NELL2: variants seen among roughly 807,000 people sequenced by gnomAD.
NELL2 encodes the protein protein kinase C-binding protein NELL2.
In NELL2, 41 loss-of-function variants were observed where a neutral mutation model predicts 109.6. That is an observed-to-expected ratio of 0.37 (90% confidence interval 0.29 to 0.49). The LOEUF (loss-of-function observed/expected upper bound fraction) is 0.49, where lower values mean the gene tolerates loss of function less well. NELL2 is among the 20% of genes least tolerant of loss of function. The pLI is 0.98. For synonymous variants in NELL2, 355 were observed against 344.7 expected, an observed-to-expected ratio of 1.03 and a Z score of -0.33; for missense variants, 900 against 1,008.3, an observed-to-expected ratio of 0.89 and a Z score of 1.45.
chr12:44,672,698 G>T (rs1354140885), intron 12 of NELL2, among the ~76,000 whole-genome samples: 3 of 152,186 alleles, frequency 2.0e-5, no homozygotes, highest in Non-Finnish European at 4.4e-5. Context: ...CAGTGAATTA[G>T]AATTATTTCT....
rs191408442 is a variant in NELL2 at position 44,662,648 on chromosome 12, G to A, written c.1444+2836C>T. ...TTTGACCAACTTGCATATGTAATTT[G>A]TATGCCAGAGTTACTAGGTTAAACA... On this transcript the variant is annotated intron_variant, in intron 13 of 19. Coordinates refer to ENST00000429094, the MANE Select transcript of NELL2 (RefSeq NM_001145108.2). Among the ~76,000 whole-genome samples, 15 of 152,280 alleles carry A rather than the reference G, an allele frequency of 9.9e-5. No individual in the cohort carries two copies. In the East Asian group the frequency reaches 2.9e-3, roughly 29 times the overall value.
At chr12:44,830,224 T>G (rs1285915134) in intron 2 of NELL2, among the ~76,000 whole-genome samples, 1 of 152,178 alleles carries the variant, frequency 6.6e-6, no homozygotes, top group Non-Finnish European at 1.5e-5. Flanking sequence ...ACAAGCAGAT[T>G]CTAACAGAAT....
intron 2 of NELL2, among the ~76,000 whole-genome samples, chr12:44,847,222 G>C (rs1244528744): frequency 6.6e-6 from 1 of 152,192 alleles, no homozygotes; most frequent in Non-Finnish European, 1.5e-5. Flanking sequence ...AAGTAAGGAA[G>C]CAAACAGGAT....
intron 2 of NELL2, among the ~76,000 whole-genome samples, chr12:44,842,225 A>G (rs956788715): frequency 6.6e-6 from 1 of 152,138 alleles, no homozygotes; most frequent in Admixed American, 6.5e-5. Flanking sequence ...AAGATTTATT[A>G]TAAGTTCATA....
chr12:44,591,132 C>T (rs1223898054), intron 15 of NELL2, among the ~76,000 whole-genome samples: 4 of 152,040 alleles, frequency 2.6e-5, no homozygotes, highest in Non-Finnish European at 4.4e-5. Context: ...ATAACAAATG[C>T]TGGCAAGGAT....
intron 15 of NELL2, among the ~76,000 whole-genome samples, chr12:44,605,273 T>G (rs563901724): frequency 1.6e-4 from 25 of 152,272 alleles, no homozygotes; most frequent in Admixed American, 4.6e-4. Flanking sequence ...TATTTCTGTA[T>G]GCAAATACAG....
At chr12:44,669,579 C>T (rs537620741) in intron 12 of NELL2, among the ~76,000 whole-genome samples, 2 of 152,020 alleles carry the variant, frequency 1.3e-5, no homozygotes, top group East Asian at 3.9e-4. Flanking sequence ...TCCTAAAAGG[C>T]AATGACTGAA....
chr12:44,712,881 C>T (rs1219371311), intron 10 of NELL2, among the ~76,000 whole-genome samples: 1 of 151,646 alleles, frequency 6.6e-6, no homozygotes, highest in Admixed American at 6.6e-5. Flanking sequence ...CAGAAAAAAA[C>T]TAGTCCAATA....
chr12:44,514,133 G>A (rs970843188), intron 19 of NELL2, among the ~76,000 whole-genome samples: 1 of 151,874 alleles, frequency 6.6e-6, no homozygotes, highest in Non-Finnish European at 1.5e-5. Flanking sequence ...CACCTTTAAA[G>A]TTCTGGAAAC....
At chr12:44,812,765 A>G (rs1273488410) in intron 3 of NELL2, among the ~76,000 whole-genome samples, 1 of 152,150 alleles carries the variant, frequency 6.6e-6, no homozygotes, top group African/African-American at 2.4e-5. Context: ...ACTCAATAAT[A>G]AAAAGTGGGT....
chr12:44,780,037 GC>G lies in NELL2; in HGVS notation c.336-16del, dbSNP rs1254310120. Reference sequence around the variant, plus strand: ...GTTCCAGGTACCTGCAGAGAGAAGAGCCACATGGGACACATTAAAAATAAAG... The same window carrying G: ...GTTCCAGGTACCTGCAGAGAGAAGAGCACATGGGACACATTAAAAATAAAG... On this transcript the variant is annotated splice_polypyrimidine_tract_variant and intron_variant, in intron 3 of 19. Transcript: ENST00000429094. 4.3e-6 allele frequency: 7 copies of G among 1,612,368 alleles called. No homozygotes were observed. Among genetic ancestry groups the G allele is most frequent in the Admixed American group, 1.7e-5 (1 of 59,794 alleles).
chr12:44,743,647 A>G (rs1414157709), intron 9 of NELL2, among the ~76,000 whole-genome samples: 1 of 152,220 alleles, frequency 6.6e-6, no homozygotes, highest in East Asian at 1.9e-4. Flanking sequence ...AGAGGTTGCA[A>G]TCCTAGTCTC....
chr12:44,606,636 G>A lies in NELL2; in HGVS notation c.1663+533C>T, dbSNP rs145900444. On this transcript the variant is annotated intron_variant, in intron 15 of 19. Transcript: ENST00000429094. The stretch of plus-strand genomic sequence containing the variant: ...AATTTTTAAAGTTTTTAATATTCAC[G>A]TCCATCAGAAAGAGTAAGTTCAGAA... Among the ~76,000 whole-genome samples, 179 of 151,950 alleles carry A rather than the reference G, an allele frequency of 1.2e-3. 1 individual carries two copies. Among genetic ancestry groups the A allele is most frequent in the African/African-American group, 3.9e-3 (161 of 41,422 alleles).
intron 10 of NELL2, among the ~76,000 whole-genome samples, chr12:44,713,635 C>T (rs543407557): frequency 3.6e-4 from 55 of 151,992 alleles, no homozygotes; most frequent in African/African-American, 1.3e-3. Context: ...TTATAATGGG[C>T]ATGAAGAAAT....
intron 2 of NELL2, among the ~76,000 whole-genome samples, chr12:44,816,790 G>A (rs1021588347): frequency 6.6e-6 from 1 of 152,126 alleles, no homozygotes; most frequent in Non-Finnish European, 1.5e-5. Flanking sequence ...CCTAGCCAAG[G>A]GAAGTTTACT....
At chr12:44,644,629 T>A (rs867248904) in intron 13 of NELL2, among the ~76,000 whole-genome samples, 1 of 92,442 alleles carries the variant, frequency 1.1e-5, no homozygotes, top group Non-Finnish European at 2.1e-5. Flanking sequence ...TATATATACA[T>A]ACATATATAT....
chr12:44,700,472 C>T (rs1056813448), intron 12 of NELL2, among the ~76,000 whole-genome samples: 2 of 152,196 alleles, frequency 1.3e-5, no homozygotes, highest in African/African-American at 4.8e-5. Context: ...CTGGGCACCT[C>T]TCCTGTGCTC....
At chr12:44,634,984 C>T (rs529528387) in intron 13 of NELL2, among the ~76,000 whole-genome samples, 26 of 152,138 alleles carry the variant, frequency 1.7e-4, no homozygotes, top group African/African-American at 5.3e-4. Context: ...TTGTATCTGG[C>T]GTGAGATAGT....
chr12:44,699,297 C>G (rs1435002910), intron 12 of NELL2, among the ~76,000 whole-genome samples: 1 of 151,996 alleles, frequency 6.6e-6, no homozygotes, highest in Admixed American at 6.6e-5. Flanking sequence ...TAACAAAACA[C>G]TAAAGTAGGC....
Sources: gnomAD v4.1 joint callset for allele counts (sites outside exome capture counted in the v4.1 genomes callset) on GRCh38, gnomAD v4.1.1 for gene constraint, MANE v1.5 for transcripts, NCBI Gene and HGNC (gene_info 2026-07-23, HGNC 2026-07-21) for gene names.